Variants in DCDC1 observed in about 807,000 individuals in gnomAD.
DCDC1 encodes the protein doublecortin domain containing 1.
DCDC1 carries 200 observed loss-of-function variants against 178.3 expected under a neutral mutation model. The observed-to-expected ratio is 1.12, with a 90% CI of 1.00 to 1.26. The LOEUF (loss-of-function observed/expected upper bound fraction) is 1.26. DCDC1 is among the 50% of genes most tolerant of loss of function. The pLI is 0.00. For synonymous variants in DCDC1, 690 were observed against 604.8 expected, an observed-to-expected ratio of 1.14 and a Z score of -2.07; for missense variants, 1,983 against 1,749.2, an observed-to-expected ratio of 1.13 and a Z score of -2.38.
At chr11:31,012,352 C>G (rs774943291) in intron 20 of DCDC1, among the ~76,000 whole-genome samples, 31 of 152,058 alleles carry the variant, frequency 2.0e-4, no homozygotes, top group Non-Finnish European at 3.8e-4. Context: ...AATTCCAGCA[C>G]TTTGTAAAGC....
Position 31,103,899 on chromosome 11 carries a change from T to C in DCDC1, c.1752-130A>G, listed in dbSNP as rs2135748369. ...TCAGAAATAAGTGAGTTTCCTATTGTATAGCACTATTGCTGGTATTCTATA... is the reference window on the plus strand; with the variant it reads ...TCAGAAATAAGTGAGTTTCCTATTGCATAGCACTATTGCTGGTATTCTATA... On this transcript the variant is annotated intron_variant, in intron 13 of 38. Coordinates refer to ENST00000684477, the MANE Select transcript of DCDC1 (RefSeq NM_001387274.1). 3 of 593,974 alleles carry C rather than the reference T, an allele frequency of 5.1e-6. No individual in the cohort carries two copies. The East Asian group carries it at 8.2e-5, about 16-fold the overall frequency. 36.8% of individuals were successfully genotyped at this position (593,974 alleles called of 1,614,324 possible).
At chr11:31,277,199 T>G (rs1178433406) in intron 7 of DCDC1, among the ~76,000 whole-genome samples, 1 of 152,124 alleles carries the variant, frequency 6.6e-6, no homozygotes, top group African/African-American at 2.4e-5. Context: ...AGTTCGTCTG[T>G]TCTACAATTT....
intron 7 of DCDC1, among the ~76,000 whole-genome samples, chr11:31,269,943 C>G (rs1173569923): frequency 6.6e-6 from 1 of 152,140 alleles, no homozygotes. Flanking sequence ...TATACTTAGG[C>G]CAACATCACC....
intron 20 of DCDC1, among the ~76,000 whole-genome samples, chr11:30,979,063 A>G (rs138501727): frequency 1.6e-3 from 248 of 152,332 alleles, no homozygotes; most frequent in African/African-American, 5.6e-3. Context: ...TCTGAACTAC[A>G]TAACTGTGCC....
chr11:31,325,049 A>G (rs1430808695), intron 3 of DCDC1, among the ~76,000 whole-genome samples: 1 of 152,210 alleles, frequency 6.6e-6, no homozygotes, highest in African/African-American at 2.4e-5. Context: ...TCCCATTATA[A>G]AAATCATTAA....
intron 20 of DCDC1, among the ~76,000 whole-genome samples, chr11:31,010,701 T>C (rs1164133248): frequency 6.6e-6 from 1 of 152,226 alleles, no homozygotes; most frequent in African/African-American, 2.4e-5. Context: ...TAAACTGACC[T>C]AACCAAATTT....
chr11:30,871,945 C>A (rs922715495), intron 38 of DCDC1, among the ~76,000 whole-genome samples: 1 of 151,724 alleles, frequency 6.6e-6, no homozygotes, highest in African/African-American at 2.4e-5. Context: ...CACACACATA[C>A]ATATATATAC....
intron 8 of DCDC1, chr11:31,262,822 G>T: frequency 2.4e-6 from 1 of 409,130 alleles, no homozygotes; most frequent in Non-Finnish European, 4.3e-6. Flanking sequence ...GGGTGCTACA[G>T]ACTGGAAGTT....
intron 1 of DCDC1, among the ~76,000 whole-genome samples, chr11:31,366,199 T>C (rs571916634): frequency 6.6e-6 from 1 of 152,324 alleles, no homozygotes; most frequent in East Asian, 1.9e-4. Context: ...ACATATGTTC[T>C]GACTCTAGAG....
Position 31,068,692 on chromosome 11 carries a change from AAACT to A in DCDC1, c.2299-3543_2299-3540del, listed in dbSNP as rs1171500618. Among the ~76,000 whole-genome samples the A allele has an allele frequency of 7.2e-5, 11 of 152,306 alleles. No individual in the cohort carries two copies. The East Asian group carries it at 1.9e-3, about 27-fold the overall frequency. Reference sequence around the variant, plus strand: ...TCTGAATTATTGAAAATTTTTTTCAAAACTAACATGTATCCCTTTTATTATTTAA... The same window carrying A: ...TCTGAATTATTGAAAATTTTTTTCAAAACATGTATCCCTTTTATTATTTAA... On this transcript the variant is annotated intron_variant, in intron 18 of 38. Transcript: ENST00000684477.
intron 3 of DCDC1, among the ~76,000 whole-genome samples, chr11:31,316,244 T>C (rs1241151253): frequency 2.2e-5 from 2 of 93,020 alleles, no homozygotes; most frequent in Non-Finnish European, 4.0e-5. Flanking sequence ...ACTTCCACAA[T>C]GGTTGAACTA....
chr11:31,305,149 A>G (rs1165064797), intron 6 of DCDC1, among the ~76,000 whole-genome samples: 7 of 152,152 alleles, frequency 4.6e-5, no homozygotes, highest in Non-Finnish European at 7.4e-5. Flanking sequence ...TCATATGTAT[A>G]TAAGAAATGT....
At chr11:31,016,244 T>C (rs781747419) in intron 20 of DCDC1, among the ~76,000 whole-genome samples, 1 of 152,212 alleles carries the variant, frequency 6.6e-6, no homozygotes, top group Non-Finnish European at 1.5e-5. Flanking sequence ...TGGTGGTTCT[T>C]TTAAATTGCT....
intron 20 of DCDC1, among the ~76,000 whole-genome samples, chr11:30,972,171 T>C (rs1392859157): frequency 2.0e-5 from 3 of 152,208 alleles, no homozygotes; most frequent in East Asian, 1.9e-4. Context: ...GTCTTCTCCA[T>C]TGCATATTAT....
At chr11:30,985,486 A>T (rs149702438) in intron 20 of DCDC1, among the ~76,000 whole-genome samples, 429 of 152,278 alleles carry the variant, frequency 2.8e-3, no homozygotes, top group Non-Finnish European at 4.3e-3. Flanking sequence ...ATTAAGATAT[A>T]ATTCACATAA....
chr11:31,070,069 T>C (rs1441654113), intron 18 of DCDC1, among the ~76,000 whole-genome samples: 1 of 152,228 alleles, frequency 6.6e-6, no homozygotes, highest in Non-Finnish European at 1.5e-5. Context: ...TGGAGACATT[T>C]ACAAATTGTC....
intron 20 of DCDC1, among the ~76,000 whole-genome samples, chr11:31,043,221 C>T (rs1390872218): frequency 6.6e-6 from 1 of 152,166 alleles, no homozygotes; most frequent in East Asian, 1.9e-4. Flanking sequence ...ACCAAAATTT[C>T]CTTATGCTGT....
At chr11:30,982,942 G>A (rs1590653969) in intron 20 of DCDC1, among the ~76,000 whole-genome samples, 1 of 152,016 alleles carries the variant, frequency 6.6e-6, no homozygotes, top group African/African-American at 2.4e-5. Flanking sequence ...ATGCAAATAA[G>A]GGCCCGACCG....
intron 21 of DCDC1, among the ~76,000 whole-genome samples, chr11:30,948,778 G>A (rs575711685): frequency 8.5e-5 from 13 of 152,238 alleles, no homozygotes; most frequent in Admixed American, 2.6e-4. Context: ...TTAATAAATG[G>A]TGTTGGGAAA....
Sources: allele counts gnomAD v4.1 joint callset (sites outside exome capture counted in the v4.1 genomes callset), GRCh38; gene constraint gnomAD v4.1.1; transcripts MANE v1.5; gene names NCBI Gene and HGNC (gene_info 2026-07-23, HGNC 2026-07-21).